RYK: variants seen among roughly 807,000 people sequenced by gnomAD.
RYK encodes receptor like tyrosine kinase, also known as inactive tyrosine-protein kinase RYK.
A neutral mutation model predicts 70.2 loss-of-function variants in RYK; 21 were observed. That is an observed-to-expected ratio of 0.30 (90% CI 0.21 to 0.43). The LOEUF (loss-of-function observed/expected upper bound fraction) is 0.43, where lower values mean the gene tolerates loss of function less well. Among genes scored for constraint, RYK ranks in the 20% least tolerant of loss-of-function variants. The pLI is 1.00. For missense variants in RYK, 604 were observed against 753.3 expected, an observed-to-expected ratio of 0.80 and a Z score of 2.32; for synonymous variants, 267 against 278.0, an observed-to-expected ratio of 0.96 and a Z score of 0.39.
chr3:134,226,549 G>C (rs980026889), intron 1 of RYK, among the ~76,000 whole-genome samples: 30 of 151,956 alleles, frequency 2.0e-4, no homozygotes, highest in African/African-American at 6.5e-4. Context: ...AATGAGAAAA[G>C]AAAATTACAG....
intron 1 of RYK, among the ~76,000 whole-genome samples, chr3:134,233,651 A>C (rs1312366876): frequency 6.6e-6 from 1 of 152,218 alleles, no homozygotes; most frequent in Non-Finnish European, 1.5e-5. Context: ...TGGAGGAGAG[A>C]GGTGATACCT....
In RYK at chr3:134,250,555, C is replaced by T; in HGVS notation, c.100G>A (p.Ala34Thr). Reference sequence around the variant, plus strand: ...GGCGCGGGCAGCAGCGGCAACAGCGCAAGCAGAAGCAGCAGCGGCGGCGGC... The same window carrying T: ...GGCGCGGGCAGCAGCGGCAACAGCGTAAGCAGAAGCAGCAGCGGCGGCGGC... ...PPPPPLLLLL[A>T]LLPLLPAPGA... is the part of the protein sequence containing the mutation. Residue 34 changes from alanine (A) to threonine (T), a missense_variant, in exon 1 of 15, where the codon GCG becomes ACG. Transcript: ENST00000623711. 9.0e-7 allele frequency: 1 copy of T among 1,107,516 alleles called. No individual in the cohort carries two copies. The highest frequency in any genetic ancestry group is 1.1e-6 in the Non-Finnish European group (1 of 888,220). The allele number at this position is 1,107,516 out of a possible 1,614,324, so 68.6% of individuals were successfully genotyped here.
intron 10 of RYK, chr3:134,181,583 T>G (rs2013295801): frequency 6.6e-6 from 1 of 152,224 alleles, no homozygotes; most frequent in South Asian, 2.1e-4. Context: ...GTAGTCACCT[T>G]ATTTTTCAGC....
intron 10 of RYK, 173 bp from the exon 11 acceptor site, chr3:134,178,246 C>T (rs1034357396): frequency 9.7e-5 from 53 of 549,218 alleles, no homozygotes; most frequent in Non-Finnish European, 1.2e-4. Context: ...ACTTAAGTGT[C>T]CCCTATATAT....
At chr3:134,240,979 T>A (rs913981963) in intron 1 of RYK, among the ~76,000 whole-genome samples, 5 of 152,194 alleles carry the variant, frequency 3.3e-5, no homozygotes, top group African/African-American at 4.8e-5. Flanking sequence ...ATACCACCAG[T>A]GAATTTTACA....
chr3:134,222,624 G>T, intron 1 of RYK, 85 bp from the exon 2 acceptor site: 1 of 1,186,320 alleles, frequency 8.4e-7, no homozygotes, highest in Non-Finnish European at 1.2e-6. Flanking sequence ...CAAATAGAGT[G>T]AAGATAATAT....
At chr3:134,166,322 A>T (rs2012665700) in intron 13 of RYK, among the ~76,000 whole-genome samples, 1 of 152,158 alleles carries the variant, frequency 6.6e-6, no homozygotes, top group Non-Finnish European at 1.5e-5. Context: ...AGGGGCTCTC[A>T]ACAGACACCG....
At chr3:134,195,597 C>T (rs190810762) in intron 6 of RYK, among the ~76,000 whole-genome samples, 88 of 152,264 alleles carry the variant, frequency 5.8e-4, no homozygotes, top group African/African-American at 2.0e-3. Context: ...TATCAAATGG[C>T]CTACAGATAA....
chr3:134,248,906 G>A (rs921961916), intron 1 of RYK, among the ~76,000 whole-genome samples: 1 of 151,964 alleles, frequency 6.6e-6, no homozygotes, highest in Non-Finnish European at 1.5e-5. Context: ...GAGAAAATTA[G>A]AAGAAATTAT....
intron 13 of RYK, among the ~76,000 whole-genome samples, chr3:134,169,326 C>A (rs761348491): frequency 6.6e-6 from 1 of 152,048 alleles, no homozygotes; most frequent in Non-Finnish European, 1.5e-5. Flanking sequence ...AGCAGAATTA[C>A]GTTAGCTACT....
At position 134,178,139 on chromosome 3, in the gene RYK, T is replaced by C; in HGVS notation, c.1173-66A>G. ...CAAAATGTTAGGGGCTTACTTCTAA[T>C]AAAAATAATCTAAAACAAAACAAAA... On this transcript the variant is annotated intron_variant, in intron 10 of 14. Coordinates refer to ENST00000623711, the MANE Select transcript of RYK (RefSeq NM_002958.4). 1.7e-6 allele frequency: 2 copies of C among 1,155,898 alleles called. 1 individual carries two copies. Among genetic ancestry groups the C allele is most frequent in the South Asian group, 3.0e-5 (2 of 66,962 alleles). 71.6% of individuals were successfully genotyped at this position (1,155,898 alleles called of 1,614,324 possible). A position where few individuals can be genotyped will look rare whatever the true frequency, so the allele number is the denominator to read the frequency against.
chr3:134,163,349 T>C (rs915870039), intron 13 of RYK, among the ~76,000 whole-genome samples: 9 of 152,204 alleles, frequency 5.9e-5, no homozygotes, highest in African/African-American at 2.2e-4. Context: ...GACAGACTTA[T>C]TCTATAATTT....
chr3:134,228,712 GA>G (rs969832292), intron 1 of RYK, among the ~76,000 whole-genome samples: 27 of 152,312 alleles, frequency 1.8e-4, no homozygotes, highest in African/African-American at 6.5e-4. Flanking sequence ...GCGGGGAGGG[GA>G]AAGTGGAGGA....
chr3:134,191,769 T>A, intron 8 of RYK, 80 bp downstream of exon 8: 2 of 1,153,350 alleles, frequency 1.7e-6, no homozygotes, highest in Admixed American at 6.1e-5. Flanking sequence ...TGAGATGAAA[T>A]TTTTTAAATT....
chr3:134,243,625 T>C (rs1271999461), intron 1 of RYK, among the ~76,000 whole-genome samples: 3 of 152,178 alleles, frequency 2.0e-5, no homozygotes, highest in Non-Finnish European at 2.9e-5. Flanking sequence ...CCCCACAATT[T>C]CACACAGCTG....
rs189659846 is a variant in RYK at position 134,178,127 on chromosome 3, G to A, written c.1173-54C>T. The A allele has an allele frequency of 4.6e-4, 577 of 1,241,448 alleles. 13 individuals are homozygous for A. In the East Asian group the frequency reaches 0.011, roughly 23 times the overall value. 76.9% of individuals were successfully genotyped at this position (1,241,448 alleles called of 1,614,324 possible). A position where few individuals can be genotyped will look rare whatever the true frequency, so the allele number is the denominator to read the frequency against. On this transcript the variant is annotated intron_variant, in intron 10 of 14. Coordinates refer to ENST00000623711, the MANE Select transcript of RYK (RefSeq NM_002958.4). ...GACAAAGGAATCCAAAATGTTAGGG[G>A]CTTACTTCTAATAAAAATAATCTAA...
intron 1 of RYK, among the ~76,000 whole-genome samples, chr3:134,226,845 C>A (rs1321526942): frequency 6.6e-6 from 1 of 152,096 alleles, no homozygotes; most frequent in Admixed American, 6.6e-5. Flanking sequence ...AACCCTACAG[C>A]TAATATCATA....
chr3:134,198,170 G>A (rs1247644333), intron 6 of RYK, among the ~76,000 whole-genome samples: 1 of 152,192 alleles, frequency 6.6e-6, no homozygotes, highest in African/African-American at 2.4e-5. Context: ...TTTATAGCCA[G>A]TCTAAATAAA....
chr3:134,222,640 A>T, intron 1 of RYK, 101 bp from the exon 2 acceptor site: 1 of 1,062,378 alleles, frequency 9.4e-7, no homozygotes, highest in Non-Finnish European at 1.3e-6. Context: ...AATATTGATA[A>T]GCAAATGAAC....
Sources: allele counts gnomAD v4.1 joint callset (sites outside exome capture counted in the v4.1 genomes callset), GRCh38; gene constraint gnomAD v4.1.1; transcripts MANE v1.5; gene names NCBI Gene and HGNC (gene_info 2026-07-23, HGNC 2026-07-21).